The following ZNF570 variants were observed in gnomAD, a reference collection of about 807,000 sequenced individuals.
ZNF570 encodes zinc finger protein 570.
In ZNF570, 8 loss-of-function variants were observed where a neutral mutation model predicts 14.2. That is an observed-to-expected ratio of 0.56 (90% CI 0.33 to 1.02). ZNF570 has a LOEUF of 1.02. ZNF570 is among the 50% of genes least tolerant of loss of function. The probability of loss-of-function intolerance (pLI) is 0.03; values close to 1 mark genes in which losing one functional copy is unlikely to be tolerated. For missense variants in ZNF570, 559 were observed against 624.9 expected, an observed-to-expected ratio of 0.89 and a Z score of 1.12; for synonymous variants, 202 against 207.6, an observed-to-expected ratio of 0.97 and a Z score of 0.23.
At chr19:37,470,473 C>A in intron 2 of ZNF570, 86 bp downstream of exon 2, 1 of 1,284,212 alleles carries the variant, frequency 7.8e-7, no homozygotes, top group Non-Finnish European at 1.1e-6. Context: ...TGAAACGTTT[C>A]TGGGTAACCA....
intron 2 of ZNF570, among the ~76,000 whole-genome samples, chr19:37,474,836 T>G (rs1208558083): frequency 1.6e-4 from 25 of 152,286 alleles, no homozygotes; most frequent in Admixed American, 1.6e-3. Flanking sequence ...TCTTTTAATT[T>G]TGTAAAAAAT....
intron 4 of ZNF570, among the ~76,000 whole-genome samples, chr19:37,477,373 T>G (rs1485656315): frequency 1.3e-5 from 2 of 148,932 alleles, no homozygotes; most frequent in African/African-American, 5.0e-5. Flanking sequence ...AGAGTCTCGC[T>G]CTGTTGCCCA....
At chr19:37,482,957 TC>T (rs1314788455) in intron 4 of ZNF570, among the ~76,000 whole-genome samples, 1 of 151,634 alleles carries the variant, frequency 6.6e-6, no homozygotes, top group African/African-American at 2.4e-5. Flanking sequence ...ATTGTAAGTT[TC>T]CCGAGGCCTT....
chr19:37,482,472 A>T (rs1441623016), intron 4 of ZNF570, among the ~76,000 whole-genome samples: 2 of 152,196 alleles, frequency 1.3e-5, no homozygotes, highest in Admixed American at 6.5e-5. Flanking sequence ...TTAAAGGACC[A>T]GATCTCATGA....
chr19:37,483,751 C>G, intron 4 of ZNF570, 128 bp from the exon 5 acceptor site: 1 of 945,432 alleles, frequency 1.1e-6, no homozygotes, highest in Non-Finnish European at 1.5e-6. Context: ...CACTTCAGAA[C>G]TGCAAAAGCC....
chr19:37,476,462 C>G lies in ZNF570; in HGVS notation c.256+28C>G, dbSNP rs895573885. 14 of 1,606,494 alleles carry G rather than the reference C, an allele frequency of 8.7e-6. No individual in the cohort carries two copies. The African/African-American group carries it at 1.9e-4, about 22-fold the overall frequency. ...TAGTGAAGAGGAAATTGGCAAAAAT[C>G]TTTGCACGTGACAGCTCAGCTTGAC... On this transcript the variant is annotated intron_variant, in intron 4 of 4. Coordinates refer to ENST00000330173, the MANE Select transcript of ZNF570 (RefSeq NM_144694.5).
At chr19:37,473,052 C>A (rs1028039538) in intron 2 of ZNF570, among the ~76,000 whole-genome samples, 1 of 138,960 alleles carries the variant, frequency 7.2e-6, no homozygotes, top group Non-Finnish European at 1.6e-5. Context: ...TGGGAATTAT[C>A]TTTCAATGGG....
At position 37,484,160 on chromosome 19, in the gene ZNF570, CA is replaced by C. The variant is rs990832940; in HGVS notation, c.542del (p.Lys181ArgfsTer2). 6.2e-7 allele frequency: 1 copy of C among 1,613,456 alleles called. No homozygotes were observed. Among genetic ancestry groups the C allele is most frequent in the Non-Finnish European group, 8.5e-7 (1 of 1,179,938 alleles). ...TCATCAGAACCCACTGCTTTGTACA[CA>C]AAAGATAATCCCCAAAGAGGAGAAA... Reference protein sequence around the residue: ...SFHQNPLLCTQKIIPKEEKVH... With the variant: ...SFHQNPLLCTXKIIPKEEKVH... On this transcript the variant is annotated frameshift_variant, in exon 5 of 5. Transcript: ENST00000330173. LOFTEE classifies it low-confidence loss of function (END_TRUNC).
chr19:37,470,791 C>T (rs2041947727), intron 2 of ZNF570, among the ~76,000 whole-genome samples: 1 of 149,452 alleles, frequency 6.7e-6, no homozygotes, highest in Admixed American at 6.7e-5. Context: ...CATCCACCTC[C>T]TGGGTTCAAA....
chr19:37,479,706 T>C (rs2042065155), intron 4 of ZNF570, among the ~76,000 whole-genome samples: 1 of 152,174 alleles, frequency 6.6e-6, no homozygotes, highest in African/African-American at 2.4e-5. Flanking sequence ...TAGAATGTTT[T>C]ATTTTTCTAG....
At chr19:37,480,853 G>A (rs1469541830) in intron 4 of ZNF570, among the ~76,000 whole-genome samples, 1 of 151,902 alleles carries the variant, frequency 6.6e-6, no homozygotes, top group African/African-American at 2.4e-5. Flanking sequence ...GGGAGGCTGA[G>A]GTGGGAGGGT....
chr19:37,478,851 C>T (rs1413426818), intron 4 of ZNF570, among the ~76,000 whole-genome samples: 1 of 151,170 alleles, frequency 6.6e-6, no homozygotes, highest in Non-Finnish European at 1.5e-5. Flanking sequence ...ATTGCATTCC[C>T]AAGTTAAACC....
chr19:37,478,995 T>A (rs2042056964), intron 4 of ZNF570, among the ~76,000 whole-genome samples: 1 of 151,334 alleles, frequency 6.6e-6, no homozygotes, highest in African/African-American at 2.4e-5. Flanking sequence ...CAAGGTTGAT[T>A]AGTCTCGTAA....
At chr19:37,479,322 T>A (rs1050146239) in intron 4 of ZNF570, among the ~76,000 whole-genome samples, 1 of 152,114 alleles carries the variant, frequency 6.6e-6, no homozygotes, top group Non-Finnish European at 1.5e-5. Context: ...GGCTTTTGTT[T>A]GGTACTTGTT....
rs1018220271 is a variant in ZNF570 at position 37,486,578 on chromosome 19, C to T, written c.*1345C>T. On this transcript the variant is annotated 3_prime_UTR_variant, in exon 5 of 5. Transcript: ENST00000330173. ...CTCTACATATATTAACTCATCTACT[C>T]CTCACAAAACAAGATTCCTTATTGG... 1.3e-5 allele frequency: 2 copies of T among 152,172 alleles called. No homozygotes were observed. The highest frequency in any genetic ancestry group is 4.8e-5 in the African/African-American group (2 of 41,446). The allele number at this position is 152,172 out of a possible 1,614,324, so 9.4% of individuals were successfully genotyped here. A position where few individuals can be genotyped will look rare whatever the true frequency, so the allele number is the denominator to read the frequency against.
chr19:37,477,902 A>G (rs2042045473), intron 4 of ZNF570, among the ~76,000 whole-genome samples: 1 of 152,124 alleles, frequency 6.6e-6, no homozygotes, highest in Non-Finnish European at 1.5e-5. Flanking sequence ...TTTAGTCTAT[A>G]TATGGGTTTG....
chr19:37,474,652 G>A (rs953271826), intron 2 of ZNF570, among the ~76,000 whole-genome samples: 16 of 151,982 alleles, frequency 1.1e-4, no homozygotes, highest in African/African-American at 2.9e-4. Flanking sequence ...TAGAGACAGC[G>A]TTTTACCATG....
upstream of ZNF570, chr19:37,469,233 C>G: frequency 3.7e-6 from 5 of 1,362,586 alleles, no homozygotes; most frequent in Non-Finnish European, 4.7e-6. Flanking sequence ...CGGAGCTGCA[C>G]CGCTGCTGCC....
intron 2 of ZNF570, among the ~76,000 whole-genome samples, chr19:37,472,301 T>C (rs1247540373): frequency 6.6e-6 from 1 of 151,634 alleles, no homozygotes; most frequent in African/African-American, 2.4e-5. Context: ...TCTCTCTACC[T>C]CTACTCTTGT....
Sources: allele counts gnomAD v4.1 joint callset (sites outside exome capture counted in the v4.1 genomes callset), GRCh38; gene constraint gnomAD v4.1.1; transcripts MANE v1.5; gene names NCBI Gene and HGNC (gene_info 2026-07-23, HGNC 2026-07-21).